XYLT1: variants seen among roughly 807,000 people sequenced by gnomAD.
XYLT1 encodes beta-D-xylosyltransferase 1.
A neutral mutation model predicts 91.3 loss-of-function variants in XYLT1; 36 were observed. The observed-to-expected ratio is 0.39, with a 90% CI of 0.30 to 0.52. XYLT1 has a LOEUF of 0.52. XYLT1 is among the 20% of genes least tolerant of loss of function. XYLT1 has a pLI of 0.68. For missense variants in XYLT1, 1,242 were observed against 1,284.5 expected (o/e 0.97, Z 0.51); for synonymous variants, 588 against 532.0 (o/e 1.11, Z -1.45).
intron 2 of XYLT1, among the ~76,000 whole-genome samples, chr16:17,293,028 T>C (rs368211251): frequency 3.9e-5 from 6 of 152,232 alleles, no homozygotes; most frequent in South Asian, 2.1e-4. Context: ...CATGGGAGCA[T>C]TTCAGAGCCA....
chr16:17,146,819 G>T (rs1279463012), intron 6 of XYLT1, among the ~76,000 whole-genome samples: 4 of 152,148 alleles, frequency 2.6e-5, no homozygotes, highest in Admixed American at 6.5e-5. Context: ...GAGAAGACTG[G>T]CAACTTTTCT....
At chr16:17,219,765 A>T (rs546147993) in intron 3 of XYLT1, among the ~76,000 whole-genome samples, 16 of 152,150 alleles carry the variant, frequency 1.1e-4, no homozygotes, top group Non-Finnish European at 1.9e-4. Context: ...GCAGTGGCTC[A>T]CGCCTGTAAT....
intron 1 of XYLT1, among the ~76,000 whole-genome samples, chr16:17,461,085 C>T (rs2036813818): frequency 6.6e-6 from 1 of 152,242 alleles, no homozygotes; most frequent in African/African-American, 2.4e-5. Flanking sequence ...ATCACACGAC[C>T]TGCCTCCCAG....
At chr16:17,233,309 C>T (rs2033196592) in intron 3 of XYLT1, among the ~76,000 whole-genome samples, 1 of 152,202 alleles carries the variant, frequency 6.6e-6, no homozygotes, top group African/African-American at 2.4e-5. Flanking sequence ...GCAGGCCAGG[C>T]ACTGCCCATC....
At chr16:17,119,916 G>T (rs2029986563) in intron 10 of XYLT1, among the ~76,000 whole-genome samples, 1 of 152,136 alleles carries the variant, frequency 6.6e-6, no homozygotes, top group Admixed American at 6.5e-5. Context: ...GCCTACCAGG[G>T]GTGGCTGCCA....
At chr16:17,402,610 G>GCT (rs937985323) in intron 1 of XYLT1, among the ~76,000 whole-genome samples, 2 of 152,110 alleles carry the variant, frequency 1.3e-5, no homozygotes, top group Non-Finnish European at 2.9e-5. Flanking sequence ...ACAAAAAGAA[G>GCT]CTCTCTCTCT....
At chr16:17,259,541 A>G in intron 2 of XYLT1, 43 bp from the exon 3 acceptor site, 3 of 1,587,986 alleles carry the variant, frequency 1.9e-6, no homozygotes, top group Middle Eastern at 1.7e-4. Flanking sequence ...CTTGACTGAG[A>G]GATCATGCTA....
At chr16:17,384,787 T>C (rs141895344) in intron 1 of XYLT1, among the ~76,000 whole-genome samples, 1,617 of 151,908 alleles carry the variant, frequency 0.011, 36 homozygotes, top group African/African-American at 0.037. Flanking sequence ...GCTCCGAGGG[T>C]GAGTAAAAAT....
chr16:17,151,788 G>A (rs1382780191), intron 6 of XYLT1, among the ~76,000 whole-genome samples: 2 of 152,088 alleles, frequency 1.3e-5, no homozygotes, highest in Non-Finnish European at 2.9e-5. Context: ...TGGGGTTCAG[G>A]CCAGAGAAGA....
At chr16:17,118,273 T>TGAGTGAATGAAC in intron 10 of XYLT1, among the ~76,000 whole-genome samples, 1 of 96,886 alleles carries the variant, frequency 1.0e-5, no homozygotes, top group East Asian at 2.1e-4. Flanking sequence ...GCTGAATGAG[T>TGAGTGAATGAAC]GAATGAATGA....
At chr16:17,220,236 T>C (rs1482686437) in intron 3 of XYLT1, among the ~76,000 whole-genome samples, 1 of 152,136 alleles carries the variant, frequency 6.6e-6, no homozygotes, top group Non-Finnish European at 1.5e-5. Context: ...TAACAGATGA[T>C]ACTTAAATGA....
At chr16:17,364,077 C>T (rs2035416385) in intron 1 of XYLT1, among the ~76,000 whole-genome samples, 1 of 152,098 alleles carries the variant, frequency 6.6e-6, no homozygotes, top group South Asian at 2.1e-4. Flanking sequence ...CAAATAGTCA[C>T]ATTTTGAGGT....
rs559169108 is a variant in XYLT1, at chr16:17,312,323, C to A, written c.402+45689G>T. Reference sequence around the variant, plus strand: ...TTCTGCCTCCTGTTACCTGTAAGATCCCTGCTGGCATAGTACTGTGAAGGA... The same window carrying A: ...TTCTGCCTCCTGTTACCTGTAAGATACCTGCTGGCATAGTACTGTGAAGGA... On this transcript the variant is annotated intron_variant, in intron 2 of 11. Transcript: ENST00000261381. The surrounding 1 kb of genome is among the most constrained non-coding windows in gnomAD (Gnocchi z 4.4). Among the ~76,000 whole-genome samples, 1 of 152,120 alleles carries A rather than the reference C, an allele frequency of 6.6e-6. No individual in the cohort carries two copies. The highest frequency in any genetic ancestry group is 1.5e-5 in the Non-Finnish European group (1 of 68,022).
At chr16:17,278,804 G>A (rs1414589068) in intron 2 of XYLT1, among the ~76,000 whole-genome samples, 2 of 152,152 alleles carry the variant, frequency 1.3e-5, no homozygotes, top group African/African-American at 4.8e-5. Context: ...GGAAGCAAGG[G>A]GCAAGGCTGG....
chr16:17,248,343 T>C (rs2033476991), intron 3 of XYLT1, among the ~76,000 whole-genome samples: 1 of 152,226 alleles, frequency 6.6e-6, no homozygotes, highest in African/African-American at 2.4e-5. Flanking sequence ...CAAGTAAGTC[T>C]TTATCAGCAG....
intron 4 of XYLT1, 54 bp downstream of exon 4, chr16:17,200,428 G>A: frequency 6.3e-7 from 1 of 1,585,342 alleles, no homozygotes; most frequent in Non-Finnish European, 8.6e-7. Context: ...ATCAGGGAGG[G>A]ACGGACAGAC....
chr16:17,213,042 C>A (rs2032790966), intron 3 of XYLT1, among the ~76,000 whole-genome samples: 2 of 152,148 alleles, frequency 1.3e-5, no homozygotes, highest in Non-Finnish European at 2.9e-5. Context: ...GTGTCCCCAA[C>A]CAAATCTCAT....
chr16:17,465,032 T>C (rs1366228468), intron 1 of XYLT1, among the ~76,000 whole-genome samples: 1 of 146,710 alleles, frequency 6.8e-6, no homozygotes, highest in Non-Finnish European at 1.5e-5. Flanking sequence ...TAATCCCAGC[T>C]ACTCAGGAGG....
rs1458315551 is a variant in XYLT1 at position 17,470,501 on chromosome 16, C to T, written c.296G>A (p.Gly99Glu). The T allele has an allele frequency of 1.6e-6, 2 of 1,230,568 alleles. No homozygotes were observed. The highest frequency in any genetic ancestry group is 2.0e-6 in the Non-Finnish European group (2 of 987,746). 76.2% of individuals were successfully genotyped at this position (1,230,568 alleles called of 1,614,324 possible). A position where few individuals can be genotyped will look rare whatever the true frequency, so the allele number is the denominator to read the frequency against. Reference protein sequence around the residue: ...GGRGPQARARGGGPGEPRGQQ... With the variant: ...GGRGPQARAREGGPGEPRGQQ... Reference sequence around the variant, plus strand: ...TCCCCGCGGTTCTCCGGGGCCGCCTCCCCGCGCCCGCGCCTGGGGCCCCCG... The same window carrying T: ...TCCCCGCGGTTCTCCGGGGCCGCCTTCCCGCGCCCGCGCCTGGGGCCCCCG... Residue 99 changes from glycine (G) to glutamate (E), a missense_variant, in exon 1 of 12, where the codon GGA (glycine) becomes GAA (glutamate). By Grantham distance (98) the Gly-to-Glu change is moderately conservative. Around this residue, in one of 3 missense-constraint regions of XYLT1, gnomAD observed 437 missense variants for 411.5 expected, o/e 1.06. Coordinates refer to ENST00000261381, the MANE Select transcript of XYLT1 (RefSeq NM_022166.4).
Sources: gnomAD v4.1 joint callset for allele counts (sites outside exome capture counted in the v4.1 genomes callset) on GRCh38, gnomAD v4.1.1 for gene constraint, gnomAD v4.1.1 regional missense constraint, Gnocchi (gnomAD v3.1) non-coding constraint, MANE v1.5 for transcripts, NCBI Gene and HGNC (gene_info 2026-07-23, HGNC 2026-07-21) for gene names.